The following HACL1 variants were observed in gnomAD, a reference collection of about 807,000 sequenced individuals.
HACL1 encodes the protein 1600020H07Rik.
Under a neutral mutation model 74.2 loss-of-function variants are expected in HACL1, and 64 were observed. That is an observed-to-expected ratio of 0.86 (90% CI 0.70 to 1.06). The LOEUF is 1.06. HACL1 is among the 50% of genes least tolerant of loss of function. The probability of loss-of-function intolerance (pLI) is 0.00; values close to 1 mark genes in which losing one functional copy is unlikely to be tolerated. For synonymous variants in HACL1, 230 were observed against 238.8 expected, an observed-to-expected ratio of 0.96 and a Z score of 0.34; for missense variants, 728 against 719.7, an observed-to-expected ratio of 1.01 and a Z score of -0.13.
Position 15,601,460 on chromosome 3 carries a change from G to T in HACL1, c.4C>A (p.Pro2Thr), listed in dbSNP as rs774611253. Residue 2 changes from proline (P) to threonine (T), a missense_variant, in exon 1 of 17, where the codon CCG becomes ACG. By Grantham distance (38) the Pro-to-Thr change is conservative. Coordinates refer to ENST00000321169, the MANE Select transcript of HACL1 (RefSeq NM_012260.4). M[P>T]DSNFAERSEE... is the part of the protein sequence containing the mutation. ...CTGCGCTCTGCGAAGTTACTGTCCGGCATCTTCCACCGAAAAGCTCTAAGC... is the reference window on the plus strand; with the variant it reads ...CTGCGCTCTGCGAAGTTACTGTCCGTCATCTTCCACCGAAAAGCTCTAAGC... 6.2e-6 allele frequency: 10 copies of T among 1,612,824 alleles called. No individual in the cohort carries two copies. The highest frequency in any genetic ancestry group is 5.0e-5 in the Admixed American group (3 of 60,002).
At chr3:15,584,120 T>C (rs2063755004) in intron 7 of HACL1, among the ~76,000 whole-genome samples, 1 of 152,190 alleles carries the variant, frequency 6.6e-6, no homozygotes, top group African/African-American at 2.4e-5. Flanking sequence ...TTTAGACATA[T>C]TGTCAAAATA....
intron 3 of HACL1, among the ~76,000 whole-genome samples, chr3:15,593,859 G>A (rs2064006091): frequency 7.0e-6 from 1 of 142,774 alleles, no homozygotes; most frequent in Non-Finnish European, 1.5e-5. Flanking sequence ...GTGCAATGGT[G>A]TGATCTCGGC....
At chr3:15,599,936 C>T (rs561253320) in intron 2 of HACL1, among the ~76,000 whole-genome samples, 21 of 152,254 alleles carry the variant, frequency 1.4e-4, no homozygotes, top group African/African-American at 4.3e-4. Flanking sequence ...ATTCATAGGT[C>T]AATAGCTTCA....
chr3:15,570,332 ACT>A (rs1048156067), intron 12 of HACL1, among the ~76,000 whole-genome samples: 1 of 149,926 alleles, frequency 6.7e-6, no homozygotes, highest in African/African-American at 2.5e-5. Context: ...ACAGAGTGAG[ACT>A]CTGTCCCCAA....
At chr3:15,575,388 G>GA (rs1263340188) in intron 9 of HACL1, among the ~76,000 whole-genome samples, 7 of 151,832 alleles carry the variant, frequency 4.6e-5, no homozygotes, top group Non-Finnish European at 7.4e-5. Context: ...AAAAAAAACA[G>GA]AAAAAGTATA....
At position 15,560,916 on chromosome 3, in the gene HACL1, A is replaced by C. The variant is rs778813488; in HGVS notation, c.1705-19T>G. 1 of 1,580,116 alleles carries C rather than the reference A, an allele frequency of 6.3e-7. No individual in the cohort carries two copies. Among genetic ancestry groups the C allele is most frequent in the South Asian group, 1.1e-5 (1 of 90,176 alleles). ...GAAAATCCTAGAAAAAGAAGACAAC[A>C]AACATTCAGTCAAAAGAAATGATTG... On this transcript the variant is annotated intron_variant, in intron 16 of 16. Transcript: ENST00000321169.
chr3:15,586,458 A>C (rs1032578336), intron 6 of HACL1, 67 bp downstream of exon 6: 8 of 818,952 alleles, frequency 9.8e-6, no homozygotes, highest in Non-Finnish European at 1.7e-5. Flanking sequence ...GAGAATAAAA[A>C]TAACAGTAAG....
At chr3:15,584,111 TTA>T (rs952317955) in intron 7 of HACL1, among the ~76,000 whole-genome samples, 2 of 152,142 alleles carry the variant, frequency 1.3e-5, no homozygotes, top group African/African-American at 2.4e-5. Flanking sequence ...TGTATAAAAT[TTA>T]GACATATTGT....
At chr3:15,591,741 T>G in intron 3 of HACL1, 61 bp from the exon 4 acceptor site, 1 of 1,078,650 alleles carries the variant, frequency 9.3e-7, no homozygotes. Context: ...TCATAACACT[T>G]TAGTGTGAAA....
chr3:15,562,224 T>C (rs1297068333), intron 16 of HACL1, among the ~76,000 whole-genome samples: 2 of 152,212 alleles, frequency 1.3e-5, no homozygotes, highest in African/African-American at 2.4e-5. Context: ...GGAGTACAGA[T>C]AGATTCTGAA....
chr3:15,577,065 C>T (rs1313913340), intron 9 of HACL1, among the ~76,000 whole-genome samples: 1 of 152,014 alleles, frequency 6.6e-6, no homozygotes, highest in African/African-American at 2.4e-5. Flanking sequence ...TTCATTTCAA[C>T]CTAAGTATAA....
At chr3:15,584,870 C>T (rs992239114) in intron 7 of HACL1, among the ~76,000 whole-genome samples, 43 of 152,096 alleles carry the variant, frequency 2.8e-4, no homozygotes, top group African/African-American at 9.9e-4. Flanking sequence ...CAGAGAGAGA[C>T]AGCTAGATGT....
chr3:15,562,834 G>T (rs1006054721), intron 16 of HACL1, among the ~76,000 whole-genome samples: 1 of 152,108 alleles, frequency 6.6e-6, no homozygotes, highest in African/African-American at 2.4e-5. Flanking sequence ...TATTACAGTT[G>T]CATCTCCCTC....
intron 3 of HACL1, among the ~76,000 whole-genome samples, chr3:15,595,050 C>T (rs2064031230): frequency 6.6e-6 from 1 of 152,080 alleles, no homozygotes. Context: ...TCGCTTGAAC[C>T]CAGGAGGCAG....
intron 3 of HACL1, among the ~76,000 whole-genome samples, chr3:15,592,225 C>T (rs2063930341): frequency 6.9e-6 from 1 of 144,066 alleles, no homozygotes; most frequent in Admixed American, 7.2e-5. Context: ...TATATGTATA[C>T]ATACGTATAT....
chr3:15,592,380 GTATACACACACGTGTATACA>G (rs1023952868), intron 3 of HACL1, among the ~76,000 whole-genome samples: 4 of 148,628 alleles, frequency 2.7e-5, no homozygotes, highest in African/African-American at 9.9e-5. Flanking sequence ...ACAGACACAC[GTATACACACACGTGTATACA>G]TGTAGACACA....
At chr3:15,601,035 C>T in intron 2 of HACL1, 55 bp downstream of exon 2, 1 of 1,046,298 alleles carries the variant, frequency 9.6e-7, no homozygotes, top group Non-Finnish European at 1.5e-6. Flanking sequence ...TGCATACCTA[C>T]CGCTATTACT....
chr3:15,601,336 C>T (rs1036426396), intron 1 of HACL1, 47 bp downstream of exon 1: 3 of 1,611,798 alleles, frequency 1.9e-6, no homozygotes, highest in African/African-American at 2.7e-5. Flanking sequence ...ATCGCGGTCC[C>T]CGCCAGCTTC....
chr3:15,596,688 C>A (rs894359774), intron 2 of HACL1, among the ~76,000 whole-genome samples: 1 of 152,118 alleles, frequency 6.6e-6, no homozygotes. Context: ...ATAGGAATGT[C>A]CTCTTTTATT....
Sources: gnomAD v4.1 joint callset for allele counts (sites outside exome capture counted in the v4.1 genomes callset) on GRCh38, gnomAD v4.1.1 for gene constraint, MANE v1.5 for transcripts, NCBI Gene and HGNC (gene_info 2026-07-23, HGNC 2026-07-21) for gene names.